Variants in CELF2 observed in about 807,000 individuals in gnomAD.
CELF2 encodes CUGBP Elav-like family member 2.
A neutral mutation model predicts 62.6 loss-of-function variants in CELF2; 8 were observed. The ratio of observed to expected loss-of-function variants is 0.13; its 90% confidence interval spans 0.07 to 0.23. The LOEUF is 0.23. Among genes scored for constraint, CELF2 ranks in the 10% least tolerant of loss-of-function variants. The pLI, the probability that CELF2 is intolerant of heterozygous loss-of-function variation, is 1.00. For missense variants in CELF2, 333 were observed against 671.0 expected, an observed-to-expected ratio of 0.50 and a Z score of 5.56; for synonymous variants, 258 against 250.0, an observed-to-expected ratio of 1.03 and a Z score of -0.30.
chr10:11,072,970 C>T (rs1011718780), intron 1 of CELF2, among the ~76,000 whole-genome samples: 18 of 151,496 alleles, frequency 1.2e-4, no homozygotes, highest in Admixed American at 9.2e-4. Flanking sequence ...TATTAATATC[C>T]TATTACATTA....
chr10:11,164,186 T>A (rs2066399432), intron 1 of CELF2, among the ~76,000 whole-genome samples: 1 of 152,216 alleles, frequency 6.6e-6, no homozygotes, highest in Non-Finnish European at 1.5e-5. Context: ...CGCGCAGTGC[T>A]GCAAATGAGC....
In CELF2 at chr10:11,197,025, A is replaced by AAGGAAGGAAGGAAGG. The variant is rs1554936316; in HGVS notation, c.272-20399_272-20398insGGAAGGAAGGAAGGA. Among the ~76,000 whole-genome samples the AAGGAAGGAAGGAAGG allele has an allele frequency of 1.5e-4, 4 of 26,048 alleles. 1 individual carries two copies. Among genetic ancestry groups the AAGGAAGGAAGGAAGG allele is most frequent in the African/African-American group, 3.6e-4 (2 of 5,570 alleles). The allele number at this position is 26,048 out of a possible 152,430, so 17.1% of individuals were successfully genotyped here. ...AGGAGAAAGAAAGAAAGAAAGAAAG[A>AAGGAAGGAAGGAAGG]AAAGAAAGAAAGAAAGAAAGAAAGA... On this transcript the variant is annotated intron_variant, in intron 2 of 12. Coordinates refer to ENST00000633077, the MANE Select transcript of CELF2 (RefSeq NM_001326342.2).
intron 2 of CELF2, among the ~76,000 whole-genome samples, chr10:11,187,143 A>C (rs1565169068): frequency 6.6e-6 from 1 of 152,148 alleles, no homozygotes; most frequent in Admixed American, 6.5e-5. Flanking sequence ...GAGAAAGGCT[A>C]TTGAAATCTC....
At chr10:11,069,664 T>G (rs1343197129) in intron 1 of CELF2, among the ~76,000 whole-genome samples, 1 of 152,100 alleles carries the variant, frequency 6.6e-6, no homozygotes, top group Non-Finnish European at 1.5e-5. Flanking sequence ...TATACAGAGG[T>G]GGTTAGAAGG....
At position 11,223,154 on chromosome 10, in the gene CELF2, C is replaced by A. The variant is rs139596540; in HGVS notation, c.354+5647C>A. 6.6e-6 allele frequency among the ~76,000 whole-genome samples: 1 copy of A among 152,104 alleles called. No individual in the cohort carries two copies. Among genetic ancestry groups the A allele is most frequent in the South Asian group, 2.1e-4 (1 of 4,832 alleles). On this transcript the variant is annotated intron_variant, in intron 3 of 12. Transcript: ENST00000633077. This position sits in a 1 kb window ranked among gnomAD's most constrained non-coding sequence, Gnocchi z 5.1. Reference sequence around the variant, plus strand: ...TCCGGATCATGGCAGATTCATGGTGCGTGTTAGAGAGGGTGCTTGAGAAAT... The same window carrying A: ...TCCGGATCATGGCAGATTCATGGTGAGTGTTAGAGAGGGTGCTTGAGAAAT...
At chr10:10,552,047 G>A in the CELF2 span, among the ~76,000 whole-genome samples, 4 of 151,440 alleles carry the variant, frequency 2.6e-5, no homozygotes, top group Admixed American at 2.0e-4. Context: ...ATAATGCACA[G>A]TGTGCTGTGG....
chr10:11,307,879 C>A (rs1440101360), intron 9 of CELF2, among the ~76,000 whole-genome samples: 1 of 152,166 alleles, frequency 6.6e-6, no homozygotes, highest in Non-Finnish European at 1.5e-5. Context: ...ATGATCCTTC[C>A]CCTGCTCACC....
the CELF2 span, among the ~76,000 whole-genome samples, chr10:10,524,178 A>G: frequency 6.6e-6 from 1 of 152,126 alleles, no homozygotes; most frequent in South Asian, 2.1e-4. Flanking sequence ...ATCATAGCAA[A>G]TGGAAGGAAT....
At chr10:11,105,426 A>C (rs1439630121) in intron 1 of CELF2, 1 of 152,196 alleles carries the variant, frequency 6.6e-6, no homozygotes, top group Admixed American at 6.5e-5. Flanking sequence ...CATAGAACAG[A>C]TCCTGAAGCA....
the CELF2 span, among the ~76,000 whole-genome samples, chr10:10,692,342 G>A: frequency 6.6e-6 from 1 of 151,246 alleles, no homozygotes; most frequent in South Asian, 2.1e-4. Flanking sequence ...TATTTCTGAG[G>A]GCTCTGTTCT....
chr10:11,214,668 G>T lies in CELF2; in HGVS notation c.272-2757G>T, dbSNP rs1036144037. 2.0e-5 allele frequency among the ~76,000 whole-genome samples: 3 copies of T among 152,202 alleles called. No homozygotes were observed. The highest frequency in any genetic ancestry group is 7.2e-5 in the African/African-American group (3 of 41,444). The stretch of plus-strand genomic sequence containing the variant: ...TTGGGTCGGACAGATGAACGGTAAG[G>T]CACATTAGCAGTGTTACCTACGGTA... On this transcript the variant is annotated intron_variant, in intron 2 of 12. Coordinates refer to ENST00000633077, the MANE Select transcript of CELF2 (RefSeq NM_001326342.2). The surrounding 1 kb of genome is among the most constrained non-coding windows in gnomAD (Gnocchi z 4.2).
intron 1 of CELF2, among the ~76,000 whole-genome samples, chr10:10,854,125 G>T (rs2059564468): frequency 6.6e-6 from 1 of 152,128 alleles, no homozygotes; most frequent in Non-Finnish European, 1.5e-5. Flanking sequence ...GCCAAGTCAT[G>T]AATACCTAAA....
chr10:11,209,115 G>A (rs759382289), intron 2 of CELF2, among the ~76,000 whole-genome samples: 33 of 152,242 alleles, frequency 2.2e-4, no homozygotes, highest in South Asian at 4.1e-4. Context: ...CCTGGTTCCT[G>A]TATCTCTCAG....
chr10:10,485,343 A>G, the CELF2 span, among the ~76,000 whole-genome samples: 4 of 151,992 alleles, frequency 2.6e-5, no homozygotes, highest in African/African-American at 9.7e-5. Flanking sequence ...AAACAGTTCT[A>G]CTCATTTTTA....
rs552935392 is a variant in CELF2, at chr10:11,246,637, C to T, written c.355-2516C>T. Among the ~76,000 whole-genome samples the T allele has an allele frequency of 2.6e-5, 4 of 152,324 alleles. No individual in the cohort carries two copies. The highest frequency in any genetic ancestry group is 6.5e-5 in the Admixed American group (1 of 15,308). On this transcript the variant is annotated intron_variant, in intron 3 of 12. Coordinates refer to ENST00000633077, the MANE Select transcript of CELF2 (RefSeq NM_001326342.2). This position sits in a 1 kb window ranked among gnomAD's most constrained non-coding sequence, Gnocchi z 4.6. ...CCCTCATTCTGGAAACTCCTCTCCT[C>T]TCATGGCTCCCATGGGACCAGTTGC...
intron 1 of CELF2, among the ~76,000 whole-genome samples, chr10:11,107,827 CT>C (rs2053920191): frequency 8.1e-6 from 1 of 123,188 alleles, no homozygotes; most frequent in African/African-American, 3.1e-5. Context: ...CTTCCCCCTC[CT>C]CCCTCCTCTG....
chr10:11,285,094 ATGGG>A lies in CELF2; in HGVS notation c.842-3312_842-3309del, dbSNP rs1411163225. On this transcript the variant is annotated intron_variant, in intron 8 of 12. Coordinates refer to ENST00000633077, the MANE Select transcript of CELF2 (RefSeq NM_001326342.2). The surrounding 1 kb of genome is among the most constrained non-coding windows in gnomAD (Gnocchi z 4.3). ...GTTACGCGGAATGATGGATGGATGG[ATGGG>A]TGGGTGGGTGGATGGGCGGATGATG... Among the ~76,000 whole-genome samples, 2 of 142,748 alleles carry A rather than the reference ATGGG, an allele frequency of 1.4e-5. No individual in the cohort carries two copies. Among genetic ancestry groups the A allele is most frequent in the African/African-American group, 2.6e-5 (1 of 38,526 alleles). The allele number at this position is 142,748 out of a possible 152,430, so 93.6% of individuals were successfully genotyped here.
At chr10:11,090,633 C>T (rs1253490136) in intron 1 of CELF2, among the ~76,000 whole-genome samples, 1 of 151,988 alleles carries the variant, frequency 6.6e-6, no homozygotes, top group African/African-American at 2.4e-5. Context: ...AAATATCCAG[C>T]AATAAGAGAA....
At chr10:10,721,219 T>C in the CELF2 span, among the ~76,000 whole-genome samples, 7 of 152,352 alleles carry the variant, frequency 4.6e-5, no homozygotes, top group East Asian at 1.3e-3. Context: ...AGAAGCCAAA[T>C]GCTGGGTTTG....
Sources: gnomAD v4.1 joint callset for allele counts (sites outside exome capture counted in the v4.1 genomes callset) on GRCh38, gnomAD v4.1.1 for gene constraint, Gnocchi (gnomAD v3.1) non-coding constraint, MANE v1.5 for transcripts, NCBI Gene and HGNC (gene_info 2026-07-23, HGNC 2026-07-21) for gene names.